ATP2A2: variants seen among roughly 807,000 people sequenced by gnomAD.
ATP2A2 encodes the protein sarcoplasmic/endoplasmic reticulum calcium ATPase 2.
A neutral mutation model predicts 109.3 loss-of-function variants in ATP2A2; 14 were observed. That is an observed-to-expected ratio of 0.13 (90% CI 0.08 to 0.20). The LOEUF is 0.20. Ranked by LOEUF, ATP2A2 falls within the 10% of genes least tolerant of loss-of-function variation. The pLI is 1.00. For synonymous variants in ATP2A2, 506 were observed against 490.9 expected, an observed-to-expected ratio of 1.03 and a Z score of -0.41; for missense variants, 657 against 1,321.6, an observed-to-expected ratio of 0.50 and a Z score of 7.80.
Position 110,349,854 on chromosome 12 carries a change from C to T in ATP2A2, c.*3384C>T, listed in dbSNP as rs1027914536. 2.9e-6 allele frequency: 3 copies of T among 1,052,178 alleles called. No individual in the cohort carries two copies. The highest frequency in any genetic ancestry group is 3.4e-6 in the Non-Finnish European group (3 of 870,674). 65.2% of individuals were successfully genotyped at this position (1,052,178 alleles called of 1,614,324 possible). On this transcript the variant is annotated 3_prime_UTR_variant, in exon 20 of 20. Coordinates refer to ENST00000539276, the MANE Select transcript of ATP2A2 (RefSeq NM_170665.4). ...ATGCGGAGGAGTTTCCTCTCCAGGGCTAGGCAAGGCAGGCGAGCAGCCAGA... is the reference window on the plus strand; with the variant it reads ...ATGCGGAGGAGTTTCCTCTCCAGGGTTAGGCAAGGCAGGCGAGCAGCCAGA...
chr12:110,316,847 G>A (rs564720695), intron 5 of ATP2A2, among the ~76,000 whole-genome samples: 2 of 152,304 alleles, frequency 1.3e-5, no homozygotes, highest in Admixed American at 1.3e-4. Flanking sequence ...GATGCTCAGA[G>A]GGAGGTGAGA....
chr12:110,322,970 G>T, intron 5 of ATP2A2, 22 bp from the exon 6 acceptor site: 1 of 1,575,774 alleles, frequency 6.3e-7, no homozygotes, highest in Non-Finnish European at 8.7e-7. Flanking sequence ...CATTTCAGCC[G>T]CCTTTTTTTT....
At chr12:110,332,857 G>A (rs1878478983) in intron 9 of ATP2A2, among the ~76,000 whole-genome samples, 172 bp downstream of exon 9, 1 of 152,178 alleles carries the variant, frequency 6.6e-6, no homozygotes, top group Admixed American at 6.5e-5. Context: ...TGAACCAAAG[G>A]TTATAATCCA....
At chr12:110,337,882 T>G (rs1878989082) in intron 11 of ATP2A2, among the ~76,000 whole-genome samples, 1 of 152,240 alleles carries the variant, frequency 6.6e-6, no homozygotes, top group African/African-American at 2.4e-5. Flanking sequence ...TATGCAGTAT[T>G]ATACTGGCAT....
Position 110,281,674 on chromosome 12 carries a change from G to C in ATP2A2, c.-116G>C. On this transcript the variant is annotated 5_prime_UTR_variant, in exon 1 of 20. Coordinates refer to ENST00000539276, the MANE Select transcript of ATP2A2 (RefSeq NM_170665.4). Reference sequence around the variant, plus strand: ...GCGGAAGCGGCCGCAAGAGGAGGAGGGGAGAGCCCGTCCGCGCCTGGGCTC... The same window carrying C: ...GCGGAAGCGGCCGCAAGAGGAGGAGCGGAGAGCCCGTCCGCGCCTGGGCTC... 1.7e-6 allele frequency: 1 copy of C among 592,406 alleles called. No homozygotes were observed. Among genetic ancestry groups the C allele is most frequent in the Non-Finnish European group, 2.6e-6 (1 of 379,022 alleles). The allele number at this position is 592,406 out of a possible 1,614,324, so 36.7% of individuals were successfully genotyped here.
chr12:110,320,696 C>T (rs549250771), intron 5 of ATP2A2, among the ~76,000 whole-genome samples: 1 of 152,270 alleles, frequency 6.6e-6, no homozygotes, highest in Admixed American at 6.5e-5. Flanking sequence ...TATTGCTGTT[C>T]ATTGCACAAG....
Position 110,326,377 on chromosome 12 carries a change from A to T in ATP2A2, c.545-13A>T. 1 of 1,612,718 alleles carries T rather than the reference A, an allele frequency of 6.2e-7. No individual in the cohort carries two copies. The highest frequency in any genetic ancestry group is 1.3e-5 in the African/African-American group (1 of 75,044). On this transcript the variant is annotated splice_polypyrimidine_tract_variant and intron_variant, in intron 6 of 19. Transcript: ENST00000539276. ...CGCAGAGATCTGTTTTTTCTGTCTC[A>T]CAACCCGCTTAGGTGAATCTGTCTC... is the stretch of plus-strand genomic sequence containing the variant.
chr12:110,298,613 G>A (rs1482828662), intron 5 of ATP2A2, among the ~76,000 whole-genome samples: 1 of 152,172 alleles, frequency 6.6e-6, no homozygotes, highest in Non-Finnish European at 1.5e-5. Flanking sequence ...AGCTCCTCGG[G>A]AGGCTGAGGC....
At chr12:110,282,548 T>C (rs900976488) in intron 1 of ATP2A2, 56 bp from the exon 2 acceptor site, 116 of 1,439,908 alleles carry the variant, frequency 8.1e-5, no homozygotes, top group East Asian at 3.4e-4. Context: ...GTCTCTCTCT[T>C]TTTTTTTTTA....
Position 110,350,124 on chromosome 12 carries a change from G to A in ATP2A2, c.*3654G>A, listed in dbSNP as rs920738635. On this transcript the variant is annotated 3_prime_UTR_variant, in exon 20 of 20. Coordinates refer to ENST00000539276, the MANE Select transcript of ATP2A2 (RefSeq NM_170665.4). ...CTTCTAGATGCTACCCTGTGTGGGC[G>A]GCACCTCAGGGACAGTAAATCAGAA... The A allele has an allele frequency of 4.0e-5, 60 of 1,508,216 alleles. No homozygotes were observed. Among genetic ancestry groups the A allele is most frequent in the East Asian group, 3.4e-4 (14 of 40,774 alleles). The allele number at this position is 1,508,216 out of a possible 1,614,324, so 93.4% of individuals were successfully genotyped here.
rs3026492 is a variant in ATP2A2 at position 110,348,237 on chromosome 12, G to A, written c.*1767G>A. 187 of 985,372 alleles carry A rather than the reference G, an allele frequency of 1.9e-4. No homozygotes were observed. The African/African-American group carries it at 2.8e-3, about 15-fold the overall frequency. 61.0% of individuals were successfully genotyped at this position (985,372 alleles called of 1,614,324 possible). On this transcript the variant is annotated 3_prime_UTR_variant, in exon 20 of 20. Coordinates refer to ENST00000539276, the MANE Select transcript of ATP2A2 (RefSeq NM_170665.4). ...GTGAACTCTGGGTATCGATAGGTTC[G>A]TCTTAAATAGGCCACTTCCCCACTC...
rs945799036 is a variant in ATP2A2 at position 110,342,781 on chromosome 12, G to T, written c.2318+333G>T. ...TTTTTATTTTTATTTATTTTTTTGA[G>T]ACAGTCTCGCTGTCGCCCAGGCTTC... On this transcript the variant is annotated intron_variant, in intron 15 of 19. Coordinates refer to ENST00000539276, the MANE Select transcript of ATP2A2 (RefSeq NM_170665.4). The surrounding 1 kb of genome is among the most constrained non-coding windows in gnomAD (Gnocchi z 4.6). Among the ~76,000 whole-genome samples the T allele has an allele frequency of 1.3e-5, 2 of 152,006 alleles. 1 individual carries two copies.
intron 16 of ATP2A2, among the ~76,000 whole-genome samples, chr12:110,344,001 A>G (rs1204837226): frequency 6.6e-6 from 1 of 152,122 alleles, no homozygotes; most frequent in Non-Finnish European, 1.5e-5. Flanking sequence ...AAAGCACACA[A>G]TGGCATAGAA....
intron 3 of ATP2A2, 128 bp from the exon 4 acceptor site, chr12:110,291,892 C>T (rs566595842): frequency 3.8e-5 from 31 of 812,418 alleles, no homozygotes; most frequent in East Asian, 1.1e-4. Context: ...AGGTGATCGC[C>T]TGCCTTGGCC....
intron 5 of ATP2A2, among the ~76,000 whole-genome samples, chr12:110,299,727 C>G (rs976845884): frequency 1.3e-5 from 2 of 152,184 alleles, no homozygotes; most frequent in African/African-American, 4.8e-5. Context: ...TCAAGTGATT[C>G]TCCCACCTCA....
chr12:110,287,616 T>C (rs1030798956), intron 3 of ATP2A2, among the ~76,000 whole-genome samples: 3 of 152,084 alleles, frequency 2.0e-5, no homozygotes, highest in Non-Finnish European at 4.4e-5. Context: ...TTGTTACCTT[T>C]TCGCTGTCTT....
intron 10 of ATP2A2, among the ~76,000 whole-genome samples, chr12:110,333,651 G>A (rs944494292): frequency 5.3e-5 from 8 of 152,208 alleles, no homozygotes; most frequent in Non-Finnish European, 1.2e-4. Context: ...GAGACAGAAT[G>A]TGAACTCTTC....
chr12:110,306,102 G>A (rs1401215609), intron 5 of ATP2A2, among the ~76,000 whole-genome samples: 3 of 152,096 alleles, frequency 2.0e-5, no homozygotes, highest in African/African-American at 4.8e-5. Flanking sequence ...GCAGTGGCAC[G>A]ATCTCTGCTC....
In ATP2A2 at chr12:110,342,380, G is replaced by A. The variant is rs1592863569; in HGVS notation, c.2250G>A (p.Arg750=). 6.2e-7 allele frequency: 1 copy of A among 1,614,158 alleles called. No homozygotes were observed. The highest frequency in any genetic ancestry group is 1.3e-5 in the African/African-American group (1 of 75,058). ...TTGTGGCTGCCGTTGAGGAGGGGCG[G>A]GCAATCTACAACAACATGAAACAGT... ...STIVAAVEEG[R]AIYNNMKQFI... The change falls in exon 15 of 20, where the codon CGG becomes CGA. Residue 750 remains arginine, a synonymous_variant. Coordinates refer to ENST00000539276, the MANE Select transcript of ATP2A2 (RefSeq NM_170665.4). The surrounding 1 kb of genome is among the most constrained non-coding windows in gnomAD (Gnocchi z 4.6).
Sources: gnomAD v4.1 joint callset for allele counts (sites outside exome capture counted in the v4.1 genomes callset) on GRCh38, gnomAD v4.1.1 for gene constraint, Gnocchi (gnomAD v3.1) non-coding constraint, MANE v1.5 for transcripts, NCBI Gene and HGNC (gene_info 2026-07-23, HGNC 2026-07-21) for gene names.